Variants in SMARCAD1 observed in about 807,000 individuals in gnomAD.
SMARCAD1 encodes SNF2 related chromatin remodeling ATPase with DExD box 1, also known as SWI/SNF-related matrix-associated actin-dependent regulator of chromatin subfamily A containing DEAD/H box 1.
In SMARCAD1, 25 loss-of-function variants were observed where a neutral mutation model predicts 127.1. The observed-to-expected ratio is 0.20, with a 90% CI of 0.14 to 0.27. The LOEUF (loss-of-function observed/expected upper bound fraction) is 0.27, where lower values mean the gene tolerates loss of function less well. Among genes scored for constraint, SMARCAD1 ranks in the 10% least tolerant of loss-of-function variants. The probability of loss-of-function intolerance (pLI) is 1.00; values close to 1 mark genes in which losing one functional copy is unlikely to be tolerated. For synonymous variants in SMARCAD1, 400 were observed against 396.9 expected (o/e 1.01, Z -0.09); for missense variants, 807 against 1,206.0 (o/e 0.67, Z 4.90).
chr4:94,214,771 A>T lies in SMARCAD1; in HGVS notation c.190+6187A>T, dbSNP rs930697273. 2.0e-5 allele frequency among the ~76,000 whole-genome samples: 3 copies of T among 152,166 alleles called. No homozygotes were observed. In the South Asian group the frequency reaches 6.2e-4, roughly 32 times the overall value. Reference sequence around the variant, plus strand: ...TCATAGATTATTTTGGCATTGGCGGAATGGAGGAAAGTTTTAGTATATGTT... The same window carrying T: ...TCATAGATTATTTTGGCATTGGCGGTATGGAGGAAAGTTTTAGTATATGTT... On this transcript the variant is annotated intron_variant, in intron 2 of 23. Transcript: ENST00000354268.
In SMARCAD1 at chr4:94,279,037, A is replaced by G; in HGVS notation, c.2405A>G (p.Gln802Arg). Reference sequence around the variant, plus strand: ...GCTGAAAAACTCAAGGAAATGTCTCAGCTTATGCTAAAGGTAAGGATTTCA... The same window carrying G: ...GCTGAAAAACTCAAGGAAATGTCTCGGCTTATGCTAAAGGTAAGGATTTCA... ...YTAEKLKEMS[Q>R]LMLKEPTHCE... The change falls in exon 19 of 24, where the codon CAG becomes CGG. Residue 802 changes from glutamine (Q) to arginine (R), a missense_variant. By Grantham distance (43) the Gln-to-Arg change is conservative (BLOSUM62 1). This residue lies in a region of SMARCAD1 where 99 missense variants were observed against 126.0 expected (regional missense o/e 0.79). Coordinates refer to ENST00000354268, the MANE Select transcript of SMARCAD1 (RefSeq NM_020159.5). 1 of 1,614,170 alleles carries G rather than the reference A, an allele frequency of 6.2e-7. No individual in the cohort carries two copies. Among genetic ancestry groups the G allele is most frequent in the Non-Finnish European group, 8.5e-7 (1 of 1,180,014 alleles).
chr4:94,244,458 T>C (rs888782306), intron 6 of SMARCAD1, among the ~76,000 whole-genome samples: 1 of 152,192 alleles, frequency 6.6e-6, no homozygotes, highest in Non-Finnish European at 1.5e-5. Context: ...TAAACAAATA[T>C]CTGTTATGAA....
intron 11 of SMARCAD1, 70 bp downstream of exon 11, chr4:94,270,888 A>G (rs1229583467): frequency 3.5e-6 from 5 of 1,446,510 alleles, no homozygotes; most frequent in African/African-American, 1.4e-5. Flanking sequence ...TGTCATTTAA[A>G]ACATGAAACT....
Position 94,252,849 on chromosome 4 carries a change from A to G in SMARCAD1, c.1123A>G (p.Ser375Gly). 1 of 1,614,098 alleles carries G rather than the reference A, an allele frequency of 6.2e-7. No individual in the cohort carries two copies. The highest frequency in any genetic ancestry group is 2.2e-5 in the East Asian group (1 of 44,856). ...DVGSSLDEDY[S>G]SGEEVMEDGY... ...CGGTAGTTCACTAGATGAGGACTAT[A>G]GTAGTGGTGAAGAAGTGATGGAGGA... is the stretch of plus-strand genomic sequence containing the variant. The change falls in exon 9 of 24, where the codon AGT (serine) becomes GGT (glycine). Residue 375 changes from serine to glycine, a missense_variant. Physicochemically the swap from Ser to Gly is moderately conservative, Grantham distance 56. This residue lies in a region of SMARCAD1 where 257 missense variants were observed against 303.4 expected (regional missense o/e 0.85). Transcript: ENST00000354268.
intron 19 of SMARCAD1, among the ~76,000 whole-genome samples, chr4:94,279,679 T>C (rs180772290): frequency 3.9e-5 from 6 of 152,336 alleles, no homozygotes; most frequent in East Asian, 1.9e-4. Context: ...GCCTAAAATA[T>C]GATCTGGCCC....
intron 9 of SMARCAD1, among the ~76,000 whole-genome samples, chr4:94,260,544 G>C (rs1193565480): frequency 6.6e-6 from 1 of 151,898 alleles, no homozygotes; most frequent in African/African-American, 2.4e-5. Flanking sequence ...GGGTTCCACT[G>C]TGTTGGACTT....
chr4:94,272,274 C>T (rs757672552), intron 11 of SMARCAD1, among the ~76,000 whole-genome samples: 5 of 152,272 alleles, frequency 3.3e-5, no homozygotes, highest in East Asian at 1.9e-4. Context: ...ACGACTCCAA[C>T]GTATGTATTG....
chr4:94,284,344 A>G lies in SMARCAD1; in HGVS notation c.2910-616A>G, dbSNP rs1440360937. Among the ~76,000 whole-genome samples, 38 of 104,936 alleles carry G rather than the reference A, an allele frequency of 3.6e-4. 1 individual carries two copies. Among genetic ancestry groups the G allele is most frequent in the South Asian group, 1.0e-3 (3 of 2,934 alleles). 68.8% of individuals were successfully genotyped at this position (104,936 alleles called of 152,430 possible). A position where few individuals can be genotyped will look rare whatever the true frequency, so the allele number is the denominator to read the frequency against. On this transcript the variant is annotated intron_variant, in intron 22 of 23. Transcript: ENST00000354268. ...TCCGTCTCAAAAAAAAAAAAAAAAA[A>G]AAAAAAAAAGAAAAAAGTAATTTCC...
intron 5 of SMARCAD1, among the ~76,000 whole-genome samples, chr4:94,239,198 C>G (rs935373091): frequency 1.3e-5 from 2 of 152,166 alleles, no homozygotes; most frequent in African/African-American, 4.8e-5. Flanking sequence ...ACAGGTTTGT[C>G]TAACCTTGAA....
At chr4:94,277,662 GT>G (rs2125991926) in intron 16 of SMARCAD1, among the ~76,000 whole-genome samples, 1 of 152,280 alleles carries the variant, frequency 6.6e-6, no homozygotes, top group South Asian at 2.1e-4. Flanking sequence ...CTTCTTTATT[GT>G]TTAGGAAAAG....
rs1754338194 is a variant in SMARCAD1, at chr4:94,283,050, T to A, written c.2727-71T>A. ...TTCAGGTTTCTTTTTCATGTGATAA[T>A]GATTGTTTTCCATTTTAATTACATT... is the stretch of plus-strand genomic sequence containing the variant. On this transcript the variant is annotated intron_variant, in intron 21 of 23. Coordinates refer to ENST00000354268, the MANE Select transcript of SMARCAD1 (RefSeq NM_020159.5). 22 of 1,306,824 alleles carry A rather than the reference T, an allele frequency of 1.7e-5. No homozygotes were observed. In the South Asian group the frequency reaches 2.5e-4, roughly 15 times the overall value. The allele number at this position is 1,306,824 out of a possible 1,614,324, so 81.0% of individuals were successfully genotyped here.
intron 11 of SMARCAD1, 95 bp downstream of exon 11, chr4:94,270,913 T>TA: frequency 9.3e-7 from 1 of 1,075,594 alleles, no homozygotes; most frequent in Non-Finnish European, 1.4e-6. Context: ...TTTGCTACTG[T>TA]AGTTAACTAC....
chr4:94,267,908 G>C (rs1420094509), intron 10 of SMARCAD1, among the ~76,000 whole-genome samples: 2 of 152,012 alleles, frequency 1.3e-5, no homozygotes, highest in Non-Finnish European at 2.9e-5. Context: ...TGATTATATA[G>C]CATCTAAATA....
rs113762549 is a variant in SMARCAD1 at position 94,287,393 on chromosome 4, A to G, written c.3020-2080A>G. ...CAAAAATGTATATTTGTAATTGACT[A>G]TGTATTGCTTTTTGTTACCAATCTG... On this transcript the variant is annotated intron_variant, in intron 23 of 23. Transcript: ENST00000354268. Among the ~76,000 whole-genome samples, 1,442 of 152,240 alleles carry G rather than the reference A, an allele frequency of 9.5e-3. 16 individuals carry two copies. The highest frequency in any genetic ancestry group is 0.032 in the African/African-American group (1,320 of 41,538).
intron 10 of SMARCAD1, among the ~76,000 whole-genome samples, chr4:94,270,261 T>C (rs1342415790): frequency 3.3e-5 from 5 of 152,076 alleles, no homozygotes; most frequent in African/African-American, 4.8e-5. Flanking sequence ...ACCACTGATA[T>C]TAGGAGTGAT....
intron 3 of SMARCAD1, among the ~76,000 whole-genome samples, chr4:94,229,711 T>C (rs982203852): frequency 1.3e-5 from 2 of 152,062 alleles, no homozygotes; most frequent in African/African-American, 4.8e-5. Context: ...TTAATGTCAT[T>C]GCCCTTTCAG....
At chr4:94,248,247 T>C (rs1380112862) in intron 6 of SMARCAD1, among the ~76,000 whole-genome samples, 4 of 152,256 alleles carry the variant, frequency 2.6e-5, no homozygotes, top group Admixed American at 1.3e-4. Context: ...ATTCATGTTG[T>C]GGTGTGTATC....
chr4:94,259,010 C>G (rs958640413), intron 9 of SMARCAD1, among the ~76,000 whole-genome samples: 2 of 152,060 alleles, frequency 1.3e-5, no homozygotes, highest in African/African-American at 4.8e-5. Flanking sequence ...CACCCTATAG[C>G]TTTTTAAATC....
At chr4:94,230,076 A>G (rs573992636) in intron 3 of SMARCAD1, among the ~76,000 whole-genome samples, 60 of 152,224 alleles carry the variant, frequency 3.9e-4, no homozygotes, top group African/African-American at 1.4e-3. Flanking sequence ...CATTTGAAAT[A>G]CCATTAATTA....
Sources: allele counts gnomAD v4.1 joint callset (sites outside exome capture counted in the v4.1 genomes callset), GRCh38; gene constraint gnomAD v4.1.1; regional missense constraint gnomAD v4.1.1; transcripts MANE v1.5; gene names NCBI Gene and HGNC (gene_info 2026-07-23, HGNC 2026-07-21).